Variants in C20orf204 observed in about 807,000 individuals in gnomAD.
C20orf204 encodes uncharacterized protein C20orf204.
A neutral mutation model predicts 3.6 loss-of-function variants in C20orf204; 6 were observed. That is an observed-to-expected ratio of 1.68 (90% CI 0.92 to 3.31). C20orf204 has a LOEUF of 3.31. Ranked by LOEUF, C20orf204 falls within the 30% of genes most tolerant of loss-of-function variation. The pLI is 0.00. For missense variants in C20orf204, 167 were observed against 89.7 expected (o/e 1.86, Z -3.48); for synonymous variants, 80 against 41.4 (o/e 1.93, Z -3.58).
At chr20:64,034,720 T>C, upstream of C20orf204, 1 of 152,336 alleles carries the variant, frequency 6.6e-6, no homozygotes. Context: ...GTTTGTGAAG[T>C]CAGCCCGGCC....
Position 64,038,797 on chromosome 20 carries a change from G to C in C20orf204, c.*38G>C, listed in dbSNP as rs1401480959. 1 of 696,988 alleles carries C rather than the reference G, an allele frequency of 1.4e-6. No homozygotes were observed. The highest frequency in any genetic ancestry group is 2.7e-6 in the Non-Finnish European group (1 of 376,406). The allele number at this position is 696,988 out of a possible 1,614,324, so 43.2% of individuals were successfully genotyped here. On this transcript the variant is annotated 3_prime_UTR_variant, in exon 4 of 4. Coordinates refer to ENST00000636176, the MANE Select transcript of C20orf204 (RefSeq NM_001387010.1). ...TGGCCCTGCGCGGGGAGGAGAACCA[G>C]CGGGGCCGCGGCAGAGCCTGGAGAC...
At position 64,038,126 on chromosome 20, in the gene C20orf204, T is replaced by G; in HGVS notation, c.203T>G (p.Phe68Cys). The G allele has an allele frequency of 3.6e-6, 2 of 550,956 alleles. No homozygotes were observed. The highest frequency in any genetic ancestry group is 6.6e-6 in the Non-Finnish European group (2 of 304,048). The allele number at this position is 550,956 out of a possible 1,614,324, so 34.1% of individuals were successfully genotyped here. A position where few individuals can be genotyped will look rare whatever the true frequency, so the allele number is the denominator to read the frequency against. Residue 68 changes from phenylalanine to cysteine, a missense_variant, in exon 2 of 4, where the codon TTC (phenylalanine) becomes TGC (cysteine). Phe to Cys is a radical substitution (Grantham distance 205). Coordinates refer to ENST00000636176, the MANE Select transcript of C20orf204 (RefSeq NM_001387010.1). ...KTRPGSRHFH[F>C]IQKNLTRPGS... ...AGGCCAGGCTCCAGACACTTTCATT[T>G]CATACAGAAAAACCTGACTAGACCC...
upstream of C20orf204, chr20:64,035,794 G>A (rs2059335739): frequency 6.6e-6 from 1 of 152,256 alleles, no homozygotes; most frequent in African/African-American, 2.4e-5. Flanking sequence ...CGGCAGCTGG[G>A]GAGGGGATGA....
At chr20:64,036,105 C>G (rs1002699662), upstream of C20orf204, 9 of 152,330 alleles carry the variant, frequency 5.9e-5, no homozygotes, top group African/African-American at 2.2e-4. Flanking sequence ...GATTGCGTGG[C>G]CTTTCCTTCC....
rs780256610 is a variant in C20orf204, at chr20:64,038,337, C to G, written c.321C>G (p.Thr107=). 2 of 762,424 alleles carry G rather than the reference C, an allele frequency of 2.6e-6. No individual in the cohort carries two copies. Among genetic ancestry groups the G allele is most frequent in the Admixed American group, 1.7e-5 (1 of 57,208 alleles). 47.2% of individuals were successfully genotyped at this position (762,424 alleles called of 1,614,324 possible). A position where few individuals can be genotyped will look rare whatever the true frequency, so the allele number is the denominator to read the frequency against. Residue 107 remains threonine, a synonymous_variant, in exon 3 of 4, where the codon ACC becomes ACG. Transcript: ENST00000636176. ...TGTCCATCTCGTCCCTGGGTCGGAC[C>G]CTGCGCGGGGCGGTGGCCGGGGGCC... is the stretch of plus-strand genomic sequence containing the variant. ...ILLSISSLGR[T]LRGAVAGGRR...
Position 64,038,343 on chromosome 20 carries a change from C to G in C20orf204, c.327C>G (p.Arg109=), listed in dbSNP as rs769242449. Residue 109 remains arginine (R), a synonymous_variant, in exon 3 of 4, where the codon CGC becomes CGG. Transcript: ENST00000636176. The stretch of plus-strand genomic sequence containing the variant: ...TCTCGTCCCTGGGTCGGACCCTGCG[C>G]GGGGCGGTGGCCGGGGGCCGCCGCG... ...LSISSLGRTL[R]GAVAGGRRGA... 1.0e-4 allele frequency: 80 copies of G among 762,872 alleles called. No individual in the cohort carries two copies. The highest frequency in any genetic ancestry group is 1.2e-5 in the Non-Finnish European group (5 of 411,106). 47.3% of individuals were successfully genotyped at this position (762,872 alleles called of 1,614,324 possible). A position where few individuals can be genotyped will look rare whatever the true frequency, so the allele number is the denominator to read the frequency against.
At chr20:64,035,508 TC>T (rs1416753142), upstream of C20orf204, 1 of 152,266 alleles carries the variant, frequency 6.6e-6, no homozygotes, top group African/African-American at 2.4e-5. Context: ...CAGAGGTTGC[TC>T]GTGTTCTGAG....
chr20:64,034,100 C>T (rs1312182957), upstream of C20orf204, among the ~76,000 whole-genome samples: 1 of 152,176 alleles, frequency 6.6e-6, no homozygotes, highest in Non-Finnish European at 1.5e-5. Context: ...GTCGTTGAGG[C>T]CAGCGGGCGG....
upstream of C20orf204, chr20:64,034,686 A>G (rs971648465): frequency 1.3e-5 from 2 of 152,466 alleles, no homozygotes; most frequent in African/African-American, 2.4e-5. Context: ...TCTGAAGATG[A>G]AGAGAGTCCT....
Position 64,038,271 on chromosome 20 carries a change from C to T in C20orf204, c.280-25C>T. The T allele has an allele frequency of 4.0e-6, 3 of 747,544 alleles. No individual in the cohort carries two copies. The South Asian group carries it at 4.2e-5, about 11-fold the overall frequency. The allele number at this position is 747,544 out of a possible 1,614,324, so 46.3% of individuals were successfully genotyped here. A position where few individuals can be genotyped will look rare whatever the true frequency, so the allele number is the denominator to read the frequency against. On this transcript the variant is annotated intron_variant, in intron 2 of 3. Coordinates refer to ENST00000636176, the MANE Select transcript of C20orf204 (RefSeq NM_001387010.1). ...CTCTCAGTTTCCCCCCACCCCCACC[C>T]CGCCTTCCTCCCTTCCCTCCCCAGG...
At chr20:64,036,017 G>A (rs2059336501), upstream of C20orf204, 1 of 152,380 alleles carries the variant, frequency 6.6e-6, no homozygotes. Flanking sequence ...TGGATCCCCT[G>A]GGAGAGGTGG....
upstream of C20orf204, chr20:64,035,949 T>A (rs916300710): frequency 6.6e-6 from 1 of 152,368 alleles, no homozygotes; most frequent in Non-Finnish European, 1.5e-5. Context: ...GCCTCACCCC[T>A]CCTTGACAGA....
In C20orf204 at chr20:64,039,001, A is replaced by G; in HGVS notation, c.*242A>G. On this transcript the variant is annotated 3_prime_UTR_variant, in exon 4 of 4. Transcript: ENST00000636176. The stretch of plus-strand genomic sequence containing the variant: ...ACGGAGCTGGCGCTGCGGGTCCGGC[A>G]CTCCCTTCGCCTGCCTCTCTGTGGG... 1 of 683,640 alleles carries G rather than the reference A, an allele frequency of 1.5e-6. No individual in the cohort carries two copies. Among genetic ancestry groups the G allele is most frequent in the South Asian group, 1.5e-5 (1 of 66,550 alleles). The allele number at this position is 683,640 out of a possible 1,614,324, so 42.3% of individuals were successfully genotyped here. A position where few individuals can be genotyped will look rare whatever the true frequency, so the allele number is the denominator to read the frequency against.
At chr20:64,036,947 G>C (rs765448239) in intron 1 of C20orf204, 1 of 152,314 alleles carries the variant, frequency 6.6e-6, no homozygotes, top group Non-Finnish European at 1.5e-5. Flanking sequence ...AAGCCGAGTC[G>C]AGTCCTCTTA....
chr20:64,037,662 C>T (rs1023546444), intron 1 of C20orf204: 9 of 371,306 alleles, frequency 2.4e-5, no homozygotes, highest in African/African-American at 4.2e-5. Context: ...GCCTCCCAGC[C>T]GACATCACTC....
At chr20:64,037,827 A>AG (rs1451234531) in intron 1 of C20orf204, 100 bp from the exon 2 acceptor site, 1 of 401,032 alleles carries the variant, frequency 2.5e-6, no homozygotes, top group Non-Finnish European at 4.4e-6. Context: ...GGGGTGGGGC[A>AG]GGGGGTGGGG....
At position 64,038,946 on chromosome 20, in the gene C20orf204, C is replaced by A; in HGVS notation, c.*187C>A. Reference sequence around the variant, plus strand: ...GCCGCCGCTGGGTCACGGAGGAGGCCCGCCCTCCACGCGCCGAAGGCCTCA... The same window carrying A: ...GCCGCCGCTGGGTCACGGAGGAGGCACGCCCTCCACGCGCCGAAGGCCTCA... On this transcript the variant is annotated 3_prime_UTR_variant, in exon 4 of 4. Coordinates refer to ENST00000636176, the MANE Select transcript of C20orf204 (RefSeq NM_001387010.1). 1.4e-6 allele frequency: 1 copy of A among 724,514 alleles called. No homozygotes were observed. Among genetic ancestry groups the A allele is most frequent in the East Asian group, 2.7e-5 (1 of 37,410 alleles). The allele number at this position is 724,514 out of a possible 1,614,324, so 44.9% of individuals were successfully genotyped here. A position where few individuals can be genotyped will look rare whatever the true frequency, so the allele number is the denominator to read the frequency against.
At chr20:64,035,606 C>A, upstream of C20orf204, 1 of 152,396 alleles carries the variant, frequency 6.6e-6, no homozygotes. Context: ...TCGGGGGAGC[C>A]CACCCTGCTC....
rs1300784060 is a variant in C20orf204, at chr20:64,038,786, G to A, written c.*27G>A. Reference sequence around the variant, plus strand: ...GCGGCCCGTCCTGGCCCTGCGCGGGGAGGAGAACCAGCGGGGCCGCGGCAG... The same window carrying A: ...GCGGCCCGTCCTGGCCCTGCGCGGGAAGGAGAACCAGCGGGGCCGCGGCAG... On this transcript the variant is annotated 3_prime_UTR_variant, in exon 4 of 4. Transcript: ENST00000636176. 4 of 697,188 alleles carry A rather than the reference G, an allele frequency of 5.7e-6. No individual in the cohort carries two copies. The highest frequency in any genetic ancestry group is 4.5e-5 in the South Asian group (3 of 66,158). 43.2% of individuals were successfully genotyped at this position (697,188 alleles called of 1,614,324 possible).
Sources: allele counts gnomAD v4.1 joint callset (sites outside exome capture counted in the v4.1 genomes callset), GRCh38; gene constraint gnomAD v4.1.1; transcripts MANE v1.5; gene names NCBI Gene and HGNC (gene_info 2026-07-23, HGNC 2026-07-21).